SYT16: variants seen among roughly 807,000 people sequenced by gnomAD.
The protein encoded by SYT16 is synaptotagmin 16.
SYT16 carries 42 observed loss-of-function variants against 61.4 expected under a neutral mutation model. The observed-to-expected ratio is 0.68, with a 90% CI of 0.53 to 0.89. The LOEUF (loss-of-function observed/expected upper bound fraction) is 0.89, where lower values mean the gene tolerates loss of function less well. Among genes scored for constraint, SYT16 ranks in the 40% least tolerant of loss-of-function variants. The pLI is 0.00. For missense variants in SYT16, 804 were observed against 807.3 expected (o/e 1.00, Z 0.05); for synonymous variants, 314 against 302.3 (o/e 1.04, Z -0.40).
At chr14:61,925,176 A>G (rs2049486668) in intron 1 of SYT16, among the ~76,000 whole-genome samples, 1 of 152,242 alleles carries the variant, frequency 6.6e-6, no homozygotes, top group Non-Finnish European at 1.5e-5. Flanking sequence ...ACGGTAACCT[A>G]GCATAGATTC....
Position 61,887,100 on chromosome 14 carries a change from C to T in SYT16, c.-325+74290C>T, listed in dbSNP as rs561098049. ...TTGAAATTCCTCCTTGATCAGTGGG[C>T]TGCAGAGTGGATGTTGTGTTAGCAA... is the stretch of plus-strand genomic sequence containing the variant. On this transcript the variant is annotated intron_variant, in intron 1 of 7. Coordinates refer to ENST00000683842, the MANE Select transcript of SYT16 (RefSeq NM_001367656.1). Among the ~76,000 whole-genome samples, 4 of 152,184 alleles carry T rather than the reference C, an allele frequency of 2.6e-5. No homozygotes were observed. The South Asian group carries it at 8.3e-4, about 32-fold the overall frequency.
At chr14:61,976,822 A>G (rs1042633390) in intron 2 of SYT16, among the ~76,000 whole-genome samples, 1 of 151,706 alleles carries the variant, frequency 6.6e-6, no homozygotes, top group Non-Finnish European at 1.5e-5. Context: ...TTGGCTCCTT[A>G]TTACTTATAC....
intron 3 of SYT16, among the ~76,000 whole-genome samples, chr14:62,056,217 T>C (rs11845612): frequency 0.018 from 2,741 of 152,220 alleles, 47 homozygotes; most frequent in Middle Eastern, 0.037. Flanking sequence ...TACAGTGAAA[T>C]ACTATCTCAC....
At chr14:62,098,224 G>C (rs2057328581) in intron 7 of SYT16, among the ~76,000 whole-genome samples, 1 of 152,228 alleles carries the variant, frequency 6.6e-6, no homozygotes, top group South Asian at 2.1e-4. Flanking sequence ...AGTTTGACTG[G>C]TCGTTAGGTG....
chr14:62,060,029 A>G (rs897462794), intron 3 of SYT16, among the ~76,000 whole-genome samples: 3 of 152,098 alleles, frequency 2.0e-5, no homozygotes, highest in Non-Finnish European at 2.9e-5. Flanking sequence ...TAGCTATATA[A>G]TAAGTCTTAA....
intron 3 of SYT16, among the ~76,000 whole-genome samples, chr14:62,021,030 G>C (rs1177712696): frequency 6.6e-6 from 1 of 152,022 alleles, no homozygotes; most frequent in African/African-American, 2.4e-5. Flanking sequence ...ATTCTGTGTT[G>C]GAAATTTTCT....
chr14:62,043,695 C>A (rs1365877678), intron 3 of SYT16, among the ~76,000 whole-genome samples: 1 of 152,140 alleles, frequency 6.6e-6, no homozygotes, highest in East Asian at 1.9e-4. Context: ...GCATGAGCCA[C>A]CGCGCCCAGC....
intron 1 of SYT16, among the ~76,000 whole-genome samples, chr14:61,940,344 T>C (rs893844746): frequency 7.2e-5 from 11 of 152,158 alleles, no homozygotes; most frequent in Admixed American, 2.6e-4. Context: ...TGAGACTAAA[T>C]GGCTCTCCTC....
At chr14:62,018,007 C>T (rs4255715) in intron 3 of SYT16, among the ~76,000 whole-genome samples, 70,335 of 151,922 alleles carry the variant, frequency 0.46, 16,700 homozygotes, top group East Asian at 0.67. Flanking sequence ...TGAGCCACCT[C>T]GCCCTGTGTT....
At chr14:61,922,142 G>C (rs76982804) in intron 1 of SYT16, among the ~76,000 whole-genome samples, 1 of 152,166 alleles carries the variant, frequency 6.6e-6, no homozygotes, top group African/African-American at 2.4e-5. Flanking sequence ...CAAAGAGCTA[G>C]ACACAGAGCT....
Position 62,101,354 on chromosome 14 carries a change from G to A in SYT16, c.*647G>A, listed in dbSNP as rs185737344. 68 of 152,174 alleles carry A rather than the reference G, an allele frequency of 4.5e-4. 2 individuals are homozygous for A. The highest frequency in any genetic ancestry group is 4.2e-3 in the Admixed American group (64 of 15,282). 9.4% of individuals were successfully genotyped at this position (152,174 alleles called of 1,614,324 possible). A position where few individuals can be genotyped will look rare whatever the true frequency, so the allele number is the denominator to read the frequency against. On this transcript the variant is annotated 3_prime_UTR_variant, in exon 8 of 8. Coordinates refer to ENST00000683842, the MANE Select transcript of SYT16 (RefSeq NM_001367656.1). ...ATTTGGTTAGATGAATCATTTTGAA[G>A]CAAGAAAAGAGTTCAGAAACTACTG...
intron 7 of SYT16, among the ~76,000 whole-genome samples, chr14:62,086,816 A>G (rs965008965): frequency 1.3e-5 from 2 of 152,268 alleles, no homozygotes; most frequent in African/African-American, 4.8e-5. Context: ...TAGTGTTGCA[A>G]TAAAACTTAA....
intron 1 of SYT16, among the ~76,000 whole-genome samples, chr14:61,878,650 A>G (rs895187349): frequency 6.6e-6 from 1 of 152,256 alleles, no homozygotes; most frequent in Non-Finnish European, 1.5e-5. Flanking sequence ...GGGTTTTTGA[A>G]GTAATTTGAA....
At chr14:62,090,722 G>T (rs1039237061) in intron 7 of SYT16, among the ~76,000 whole-genome samples, 1 of 152,100 alleles carries the variant, frequency 6.6e-6, no homozygotes, top group African/African-American at 2.4e-5. Flanking sequence ...AGAAAAGATA[G>T]TTACTATGGT....
intron 2 of SYT16, among the ~76,000 whole-genome samples, chr14:61,976,366 C>T (rs555051832): frequency 1.3e-5 from 2 of 152,294 alleles, no homozygotes; most frequent in South Asian, 4.2e-4. Flanking sequence ...TAAGTAGTGC[C>T]CCAGTGGGGA....
chr14:62,087,536 G>C (rs556077146), intron 7 of SYT16, among the ~76,000 whole-genome samples: 2 of 152,196 alleles, frequency 1.3e-5, no homozygotes, highest in African/African-American at 2.4e-5. Flanking sequence ...AAGGAAAATA[G>C]GTTGAGCCTG....
intron 1 of SYT16, among the ~76,000 whole-genome samples, chr14:61,956,758 C>G (rs1024854592): frequency 1.3e-5 from 2 of 151,734 alleles, no homozygotes; most frequent in South Asian, 4.1e-4. Context: ...TTTTGTTTTT[C>G]TTACTCAGTA....
At chr14:61,886,493 C>T (rs1175808749) in intron 1 of SYT16, among the ~76,000 whole-genome samples, 2 of 152,214 alleles carry the variant, frequency 1.3e-5, no homozygotes, top group Non-Finnish European at 2.9e-5. Flanking sequence ...GTGTCCACAG[C>T]GTCTTCACCA....
At chr14:61,826,310 C>A (rs376242615) in intron 1 of SYT16, among the ~76,000 whole-genome samples, 2 of 152,034 alleles carry the variant, frequency 1.3e-5, no homozygotes, top group East Asian at 3.8e-4. Flanking sequence ...CCAGAGAAAA[C>A]CTATGCAGAC....
Sources: allele counts gnomAD v4.1 joint callset (sites outside exome capture counted in the v4.1 genomes callset), GRCh38; gene constraint gnomAD v4.1.1; transcripts MANE v1.5; gene names NCBI Gene and HGNC (gene_info 2026-07-23, HGNC 2026-07-21).